ZNF385D: variants seen among roughly 807,000 people sequenced by gnomAD.
The protein encoded by ZNF385D is zinc finger protein 659.
A neutral mutation model predicts 35.8 loss-of-function variants in ZNF385D; 15 were observed. The ratio of observed to expected loss-of-function variants is 0.42; its 90% confidence interval spans 0.28 to 0.64. The LOEUF (loss-of-function observed/expected upper bound fraction) is 0.64, where lower values mean the gene tolerates loss of function less well. Ranked by LOEUF, ZNF385D falls within the 30% of genes least tolerant of loss-of-function variation. The probability of loss-of-function intolerance (pLI) is 0.23; values close to 1 mark genes in which losing one functional copy is unlikely to be tolerated. For missense variants in ZNF385D, 474 were observed against 494.6 expected (o/e 0.96, Z 0.39); for synonymous variants, 212 against 186.8 (o/e 1.13, Z -1.10).
intron 2 of ZNF385D, among the ~76,000 whole-genome samples, chr3:21,585,611 C>G (rs1164897265): frequency 6.6e-6 from 1 of 152,128 alleles, no homozygotes. Context: ...CTACGCACCT[C>G]CAGGATAGTG....
At chr3:21,930,683 A>C (rs1462081740) in intron 3 of ZNF385D, among the ~76,000 whole-genome samples, 1 of 152,204 alleles carries the variant, frequency 6.6e-6, no homozygotes, top group East Asian at 1.9e-4. Context: ...CATGTGGTCA[A>C]CTGATTTTTG....
At chr3:21,699,823 CTTTTT>C (rs1006362754) in intron 1 of ZNF385D, among the ~76,000 whole-genome samples, 5 of 88,908 alleles carry the variant, frequency 5.6e-5, no homozygotes, top group South Asian at 7.6e-4. Flanking sequence ...GTTTCTTTTC[CTTTTT>C]TTTTTTTTTT....
At chr3:21,788,572 A>G (rs1417967341) in intron 3 of ZNF385D, among the ~76,000 whole-genome samples, 1 of 152,202 alleles carries the variant, frequency 6.6e-6, no homozygotes, top group African/African-American at 2.4e-5. Context: ...TTCTTAGTAC[A>G]TTGTCTTTGA....
In ZNF385D at chr3:21,415,609, A is replaced by G. The variant is rs1005898545; in HGVS notation, c.*5605T>C. 1 of 152,124 alleles carries G rather than the reference A, an allele frequency of 6.6e-6. No individual in the cohort carries two copies. Among genetic ancestry groups the G allele is most frequent in the Non-Finnish European group, 1.5e-5 (1 of 67,996 alleles). The allele number at this position is 152,124 out of a possible 1,614,324, so 9.4% of individuals were successfully genotyped here. A position where few individuals can be genotyped will look rare whatever the true frequency, so the allele number is the denominator to read the frequency against. The stretch of plus-strand genomic sequence containing the variant: ...TACAATTCTGTATGTGTGTGCGTAT[A>G]TAAGCATTAACCTTAGAACTCGTCA... On this transcript the variant is annotated 3_prime_UTR_variant, in exon 8 of 8. Coordinates refer to ENST00000281523, the MANE Select transcript of ZNF385D (RefSeq NM_024697.3).
At chr3:22,118,012 T>C (rs1316261630) in intron 3 of ZNF385D, among the ~76,000 whole-genome samples, 4 of 152,104 alleles carry the variant, frequency 2.6e-5, no homozygotes, top group Admixed American at 1.3e-4. Flanking sequence ...AAATGAACTT[T>C]GTTTAAATAA....
intron 2 of ZNF385D, among the ~76,000 whole-genome samples, chr3:22,315,750 C>G (rs1000329553): frequency 6.6e-6 from 1 of 152,128 alleles, no homozygotes; most frequent in Non-Finnish European, 1.5e-5. Flanking sequence ...AGGAAAAAGC[C>G]AAGCTCACCA....
chr3:22,104,234 C>T (rs1702089297), intron 3 of ZNF385D, among the ~76,000 whole-genome samples: 1 of 152,062 alleles, frequency 6.6e-6, no homozygotes, highest in South Asian at 2.1e-4. Flanking sequence ...TTCTCTCCTC[C>T]TACATATGGC....
At chr3:21,742,821 T>A (rs1183997503) in intron 1 of ZNF385D, among the ~76,000 whole-genome samples, 1 of 152,174 alleles carries the variant, frequency 6.6e-6, no homozygotes, top group African/African-American at 2.4e-5. Flanking sequence ...ATATACCAAA[T>A]TATCTACATT....
chr3:21,564,112 A>C (rs560812151), intron 3 of ZNF385D, among the ~76,000 whole-genome samples: 1 of 152,190 alleles, frequency 6.6e-6, no homozygotes, highest in East Asian at 1.9e-4. Flanking sequence ...CTTTAGCACA[A>C]ATATAATTAA....
At chr3:21,538,939 A>G (rs2062106103) in intron 3 of ZNF385D, among the ~76,000 whole-genome samples, 1 of 152,100 alleles carries the variant, frequency 6.6e-6, no homozygotes, top group Non-Finnish European at 1.5e-5. Flanking sequence ...TAGCTCATAC[A>G]CTGTGGCTAA....
In ZNF385D at chr3:21,879,413, T is replaced by C. The variant is rs150201372; in HGVS notation, c.326-214385A>G. ...ATGCTTCTTGTCTTTGTTCTTAATA[T>C]AGTTGTTTAGCATTAAGAACAGTTA... On this transcript the variant is annotated intron_variant, in intron 3 of 5. Coordinates refer to the ZNF385D transcript ENST00000494108. 4.7e-4 allele frequency among the ~76,000 whole-genome samples: 72 copies of C among 152,126 alleles called. 1 individual carries two copies. The East Asian group carries it at 0.012, about 26-fold the overall frequency.
chr3:22,187,495 C>A (rs1695716385), intron 2 of ZNF385D, among the ~76,000 whole-genome samples: 1 of 152,182 alleles, frequency 6.6e-6, no homozygotes, highest in South Asian at 2.1e-4. Flanking sequence ...CACAGATACA[C>A]ACACACACAA....
At position 21,415,448 on chromosome 3, in the gene ZNF385D, T is replaced by C. The variant is rs931083334; in HGVS notation, c.*5766A>G. On this transcript the variant is annotated 3_prime_UTR_variant, in exon 8 of 8. Coordinates refer to ENST00000281523, the MANE Select transcript of ZNF385D (RefSeq NM_024697.3). ...CCCTCCAATGCCCTAAAATGATTAA[T>C]GCCCCAAAATGATTAAGACTCCCAA... 6.6e-6 allele frequency: 1 copy of C among 152,110 alleles called. No individual in the cohort carries two copies. The highest frequency in any genetic ancestry group is 2.4e-5 in the African/African-American group (1 of 41,442). 9.4% of individuals were successfully genotyped at this position (152,110 alleles called of 1,614,324 possible).
intron 3 of ZNF385D, among the ~76,000 whole-genome samples, chr3:21,531,348 A>G (rs187155133): frequency 6.6e-4 from 100 of 152,306 alleles, no homozygotes; most frequent in Non-Finnish European, 1.2e-3. Flanking sequence ...ACAGTTTGTC[A>G]ATTTCTTACA....
rs76960441 is a variant in ZNF385D, at chr3:22,022,478, T to G, written c.325+146339A>C. On this transcript the variant is annotated intron_variant, in intron 3 of 5. Coordinates refer to the ZNF385D transcript ENST00000494108. ...AGAGAAAATGAACAGCATCAAGAAA[T>G]AACATACCACTCTATGATCCTAGTT... Among the ~76,000 whole-genome samples, 3 of 152,200 alleles carry G rather than the reference T, an allele frequency of 2.0e-5. No individual in the cohort carries two copies. In the East Asian group the frequency reaches 5.8e-4, roughly 29 times the overall value.
chr3:21,802,865 G>C (rs1373248510), intron 3 of ZNF385D, among the ~76,000 whole-genome samples: 1 of 152,184 alleles, frequency 6.6e-6, no homozygotes, highest in Non-Finnish European at 1.5e-5. Flanking sequence ...CTAAACAGAT[G>C]TAAGTGCTCA....
chr3:21,552,156 T>G (rs1575159814), intron 3 of ZNF385D, among the ~76,000 whole-genome samples: 1 of 152,180 alleles, frequency 6.6e-6, no homozygotes, highest in South Asian at 2.1e-4. Context: ...AATTCCAGAT[T>G]TACCTGGAAA....
At chr3:22,038,610 T>G (rs571672785) in intron 3 of ZNF385D, among the ~76,000 whole-genome samples, 40 of 152,276 alleles carry the variant, frequency 2.6e-4, no homozygotes, top group African/African-American at 9.6e-4. Context: ...CTCATTTGCT[T>G]TTTTAACAGT....
intron 2 of ZNF385D, among the ~76,000 whole-genome samples, chr3:22,287,967 T>C (rs1473724930): frequency 6.6e-6 from 1 of 152,096 alleles, no homozygotes; most frequent in Non-Finnish European, 1.5e-5. Flanking sequence ...TTAGCTTTTG[T>C]TTGTCTGAGA....
Sources: allele counts gnomAD v4.1 joint callset (sites outside exome capture counted in the v4.1 genomes callset), GRCh38; gene constraint gnomAD v4.1.1; transcripts MANE v1.5; gene names NCBI Gene and HGNC (gene_info 2026-07-23, HGNC 2026-07-21).